The following SMO variants were observed in gnomAD, a reference collection of about 807,000 sequenced individuals.
SMO encodes the protein smoothened, frizzled class receptor.
Under a neutral mutation model 81.6 loss-of-function variants are expected in SMO, and 40 were observed. The ratio of observed to expected loss-of-function variants is 0.49; its 90% CI spans 0.38 to 0.64. The LOEUF is 0.64. SMO is among the 30% of genes least tolerant of loss of function. The pLI is 0.00. For synonymous variants in SMO, 434 were observed against 432.1 expected (o/e 1.00, Z -0.05); for missense variants, 916 against 1,061.1 (o/e 0.86, Z 1.90).
At position 129,203,396 on chromosome 7, in the gene SMO, C is replaced by T. The variant is rs1448507457; in HGVS notation, c.344C>T (p.Ala115Val). 1 of 1,551,320 alleles carries T rather than the reference C, an allele frequency of 6.4e-7. No individual in the cohort carries two copies. Among genetic ancestry groups the T allele is most frequent in the Non-Finnish European group, 8.7e-7 (1 of 1,147,040 alleles). Residue 115 changes from alanine (A) to valine (V), a missense_variant, in exon 2 of 12, where the codon GCC becomes GTC. By Grantham distance (64) the Ala-to-Val change is moderately conservative. Coordinates refer to ENST00000249373, the MANE Select transcript of SMO (RefSeq NM_005631.5). ...KLVLWSGLRN[A>V]PRCWAVIQPL... Reference sequence around the variant, plus strand: ...TTGCCACCCCCAGGCCTCCGGAATGCCCCCCGCTGCTGGGCAGTGATCCAG... The same window carrying T: ...TTGCCACCCCCAGGCCTCCGGAATGTCCCCCGCTGCTGGGCAGTGATCCAG...
At position 129,205,719 on chromosome 7, in the gene SMO, T is replaced by C. The variant is rs759508731; in HGVS notation, c.857T>C (p.Met286Thr). The part of the protein sequence containing the change: ...VGSIGWLAQF[M>T]DGARREIVCR... ...AGCATTGGCTGGCTGGCCCAGTTCA[T>C]GGATGGTGCCCGCCGAGAGATCGTC... The change falls in exon 4 of 12, where the codon ATG becomes ACG. Residue 286 changes from methionine (M) to threonine (T), a missense_variant. Met to Thr is a moderately conservative substitution (Grantham distance 81). Coordinates refer to ENST00000249373, the MANE Select transcript of SMO (RefSeq NM_005631.5). The C allele has an allele frequency of 6.8e-6, 11 of 1,612,416 alleles. No individual in the cohort carries two copies. The highest frequency in any genetic ancestry group is 4.4e-5 in the South Asian group (4 of 91,088).
rs765741228 is a variant in SMO, at chr7:129,210,693, G to A, written c.1652+145G>A. The A allele has an allele frequency of 2.0e-5, 15 of 767,474 alleles. No individual in the cohort carries two copies. The highest frequency in any genetic ancestry group is 3.1e-5 in the Non-Finnish European group (15 of 481,790). 47.5% of individuals were successfully genotyped at this position (767,474 alleles called of 1,614,324 possible). A position where few individuals can be genotyped will look rare whatever the true frequency, so the allele number is the denominator to read the frequency against. ...CCCCTGGTGGCACCTTCTGTCCTTG[G>A]GTGGCCTGATGCCTGGGCCTGGGCC... is the stretch of plus-strand genomic sequence containing the variant. On this transcript the variant is annotated intron_variant, in intron 9 of 11. Transcript: ENST00000249373. This position sits in a 1 kb window ranked among gnomAD's most constrained non-coding sequence, Gnocchi z 4.7.
chr7:129,199,849 A>G (rs1311569021), intron 1 of SMO, among the ~76,000 whole-genome samples: 1 of 152,250 alleles, frequency 6.6e-6, no homozygotes, highest in Admixed American at 6.5e-5. Flanking sequence ...TATACTTTTT[A>G]TCACAGTGAT....
In SMO at chr7:129,206,646, C is replaced by T. The variant is rs2150651004; in HGVS notation, c.1264+59C>T. The T allele has an allele frequency of 6.3e-7, 1 of 1,583,242 alleles. No homozygotes were observed. Among genetic ancestry groups the T allele is most frequent in the Non-Finnish European group, 8.6e-7 (1 of 1,159,604 alleles). On this transcript the variant is annotated intron_variant, in intron 6 of 11. Transcript: ENST00000249373. The surrounding 1 kb of genome is among the most constrained non-coding windows in gnomAD (Gnocchi z 4.4). ...ACAAAATATACTGGGCACTTGCTGC[C>T]AGTACTGGGAGCTGCCAGCACGGCT...
At chr7:129,193,340 C>G (rs1259205213) in intron 1 of SMO, among the ~76,000 whole-genome samples, 1 of 152,154 alleles carries the variant, frequency 6.6e-6, no homozygotes, top group Non-Finnish European at 1.5e-5. Flanking sequence ...GTTTGCCTCT[C>G]ACACATTGAA....
chr7:129,212,148 G>T lies in SMO; in HGVS notation c.2061G>T (p.Pro687=). 2 of 1,556,362 alleles carry T rather than the reference G, an allele frequency of 1.3e-6. No homozygotes were observed. The highest frequency in any genetic ancestry group is 4.8e-5 in the East Asian group (2 of 41,246). The change falls in exon 12 of 12, where the codon CCG becomes CCT. Residue 687 remains proline (P), a synonymous_variant. Coordinates refer to ENST00000249373, the MANE Select transcript of SMO (RefSeq NM_005631.5). This position sits in a 1 kb window ranked among gnomAD's most constrained non-coding sequence, Gnocchi z 5.0. ...KRKKEVCPLA[P]PPELHPPAPA... Reference sequence around the variant, plus strand: ...AGAAGGAGGTGTGCCCGCTGGCGCCGCCCCCTGAGCTTCACCCCCCTGCCC... The same window carrying T: ...AGAAGGAGGTGTGCCCGCTGGCGCCTCCCCCTGAGCTTCACCCCCCTGCCC...
At position 129,205,415 on chromosome 7, in the gene SMO, C is replaced by A; in HGVS notation, c.747+3C>A. 4 of 1,606,380 alleles carry A rather than the reference C, an allele frequency of 2.5e-6. No individual in the cohort carries two copies. The South Asian group carries it at 4.4e-5, about 18-fold the overall frequency. ...GCCTCTGCACGCTCTTCACCCTGGTCAGCCGCGGGAGGGCAGGCCCGGGGG... is the reference window on the plus strand; with the variant it reads ...GCCTCTGCACGCTCTTCACCCTGGTAAGCCGCGGGAGGGCAGGCCCGGGGG... On this transcript the variant is annotated splice_donor_region_variant and intron_variant, in intron 3 of 11. Transcript: ENST00000249373.
At chr7:129,192,394 T>G (rs1584653033) in intron 1 of SMO, among the ~76,000 whole-genome samples, 1 of 152,156 alleles carries the variant, frequency 6.6e-6, no homozygotes, top group Non-Finnish European at 1.5e-5. Flanking sequence ...ATACCTCATA[T>G]TAAGTTTGGA....
chr7:129,209,671 C>T (rs924198644), intron 8 of SMO: 8 of 404,540 alleles, frequency 2.0e-5, no homozygotes, highest in African/African-American at 1.4e-4. Flanking sequence ...AGTTCAGCTT[C>T]GTCTTCTCTG....
rs776255351 is a variant in SMO, at chr7:129,211,001, C to G, written c.1689C>G (p.Ile563Met). 6.2e-7 allele frequency: 1 copy of G among 1,613,532 alleles called. No individual in the cohort carries two copies. Residue 563 changes from isoleucine (I) to methionine (M), a missense_variant, in exon 10 of 12, where the codon ATC becomes ATG. Coordinates refer to ENST00000249373, the MANE Select transcript of SMO (RefSeq NM_005631.5). This position sits in a 1 kb window ranked among gnomAD's most constrained non-coding sequence, Gnocchi z 4.6. ...TGQSDDEPKRIKKSKMIAKAF... is the reference protein window; with the variant it reads ...TGQSDDEPKRMKKSKMIAKAF... ...AGAGTGACGATGAGCCAAAGCGGAT[C>G]AAGAAGAGCAAGATGATTGCCAAGG...
rs766361793 is a variant in SMO, at chr7:129,212,255, A to G, written c.2168A>G (p.Asp723Gly). 1.2e-6 allele frequency: 2 copies of G among 1,605,664 alleles called. No homozygotes were observed. Among genetic ancestry groups the G allele is most frequent in the Non-Finnish European group, 1.7e-6 (2 of 1,176,270 alleles). Residue 723 changes from aspartate (D) to glycine (G), a missense_variant, in exon 12 of 12, where the codon GAC becomes GGC. Asp to Gly is a moderately conservative substitution (Grantham distance 94, BLOSUM62 -1). Coordinates refer to ENST00000249373, the MANE Select transcript of SMO (RefSeq NM_005631.5). This position sits in a 1 kb window ranked among gnomAD's most constrained non-coding sequence, Gnocchi z 5.0. Reference protein sequence around the residue: ...LVAAGAWGAGDSCRQGAWTLV... With the variant: ...LVAAGAWGAGGSCRQGAWTLV... Reference sequence around the variant, plus strand: ...GCTGCAGGTGCCTGGGGAGCTGGGGACTCTTGCCGACAGGGAGCGTGGACC... The same window carrying G: ...GCTGCAGGTGCCTGGGGAGCTGGGGGCTCTTGCCGACAGGGAGCGTGGACC...
chr7:129,192,763 G>A (rs1793498234), intron 1 of SMO, among the ~76,000 whole-genome samples: 1 of 152,166 alleles, frequency 6.6e-6, no homozygotes, highest in South Asian at 2.1e-4. Flanking sequence ...AATGCTAGAG[G>A]AAGAAGAAGT....
Position 129,210,381 on chromosome 7 carries a change from C to A in SMO, c.1485C>A (p.Thr495=), listed in dbSNP as rs754799540. The change falls in exon 9 of 12, where the codon ACC becomes ACA. Residue 495 remains threonine (T), a synonymous_variant. Transcript: ENST00000249373. This position sits in a 1 kb window ranked among gnomAD's most constrained non-coding sequence, Gnocchi z 4.7. Reference sequence around the variant, plus strand: ...ACTGTAGATGTCAGGCCAATGTGACCATCGGGCTGCCCACCAAGCAGCCCA... The same window carrying A: ...ACTGTAGATGTCAGGCCAATGTGACAATCGGGCTGCCCACCAAGCAGCCCA... The part of the protein sequence containing the change: ...RDYVLCQANV[T]IGLPTKQPIP... The A allele has an allele frequency of 6.2e-7, 1 of 1,613,908 alleles. No homozygotes were observed. The highest frequency in any genetic ancestry group is 1.3e-5 in the African/African-American group (1 of 74,924).
chr7:129,198,021 G>C (rs1008934525), intron 1 of SMO, among the ~76,000 whole-genome samples: 1 of 152,130 alleles, frequency 6.6e-6, no homozygotes, highest in East Asian at 1.9e-4. Context: ...TCTCGTTTCA[G>C]TTTCATATCC....
chr7:129,201,797 C>T (rs1207963947), intron 1 of SMO, among the ~76,000 whole-genome samples: 1 of 152,156 alleles, frequency 6.6e-6, no homozygotes, highest in Non-Finnish European at 1.5e-5. Context: ...TCTGTTGCCT[C>T]AGCCTCCCGA....
Position 129,211,987 on chromosome 7 carries a change from C to T in SMO, c.1937-37C>T, listed in dbSNP as rs2150656164. On this transcript the variant is annotated intron_variant, in intron 11 of 11. Coordinates refer to ENST00000249373, the MANE Select transcript of SMO (RefSeq NM_005631.5). This position sits in a 1 kb window ranked among gnomAD's most constrained non-coding sequence, Gnocchi z 4.6. ...GGAGCGGGGGTGGCATGGACAGAGCCAGGGCCCCAGGCTCGTGTTGTCTCT... is the reference window on the plus strand; with the variant it reads ...GGAGCGGGGGTGGCATGGACAGAGCTAGGGCCCCAGGCTCGTGTTGTCTCT... The T allele has an allele frequency of 6.5e-7, 1 of 1,545,330 alleles. No individual in the cohort carries two copies. The highest frequency in any genetic ancestry group is 8.7e-7 in the Non-Finnish European group (1 of 1,151,906).
intron 1 of SMO, among the ~76,000 whole-genome samples, chr7:129,196,808 G>A (rs1469720022): frequency 6.6e-6 from 1 of 152,054 alleles, no homozygotes; most frequent in East Asian, 1.9e-4. Context: ...ACGAGGTCAG[G>A]AGATTGAGAC....
In SMO at chr7:129,210,297, C is replaced by A; in HGVS notation, c.1467-66C>A. On this transcript the variant is annotated intron_variant, in intron 8 of 11. Coordinates refer to ENST00000249373, the MANE Select transcript of SMO (RefSeq NM_005631.5). This position sits in a 1 kb window ranked among gnomAD's most constrained non-coding sequence, Gnocchi z 4.7. Reference sequence around the variant, plus strand: ...TCTAGCCTGGGTGACAGAGCAAGATCCTATCTCAAAAAAAGAGAGAGGAAA... The same window carrying A: ...TCTAGCCTGGGTGACAGAGCAAGATACTATCTCAAAAAAAGAGAGAGGAAA... 1 of 1,371,520 alleles carries A rather than the reference C, an allele frequency of 7.3e-7. No homozygotes were observed. Among genetic ancestry groups the A allele is most frequent in the Non-Finnish European group, 1.0e-6 (1 of 965,184 alleles). 85.0% of individuals were successfully genotyped at this position (1,371,520 alleles called of 1,614,324 possible).
In SMO at chr7:129,205,625, G is replaced by T; in HGVS notation, c.763G>T (p.Asp255Tyr). 6.2e-7 allele frequency: 1 copy of T among 1,613,778 alleles called. No individual in the cohort carries two copies. The highest frequency in any genetic ancestry group is 1.1e-5 in the South Asian group (1 of 91,056). ...TLFTLATFVADWRNSNRYPAV... is the reference protein window; with the variant it reads ...TLFTLATFVAYWRNSNRYPAV... ...TCTCTTCTAGGCCACATTCGTGGCT[G>T]ACTGGCGGAACTCGAATCGCTACCC... Residue 255 changes from aspartate to tyrosine, a missense_variant, in exon 4 of 12, where the codon GAC becomes TAC. Asp to Tyr is a radical substitution (Grantham distance 160). Around this residue, in one of 4 missense-constraint regions of SMO, gnomAD observed 436 missense variants for 570.9 expected, o/e 0.76. Transcript: ENST00000249373.
Sources: allele counts gnomAD v4.1 joint callset (sites outside exome capture counted in the v4.1 genomes callset), GRCh38; gene constraint gnomAD v4.1.1; regional missense constraint gnomAD v4.1.1; non-coding constraint Gnocchi (gnomAD v3.1); transcripts MANE v1.5; gene names NCBI Gene and HGNC (gene_info 2026-07-23, HGNC 2026-07-21).